NID2: variants seen among roughly 807,000 people sequenced by gnomAD.
NID2 encodes nidogen 2.
NID2 carries 83 observed loss-of-function variants against 145.4 expected under a neutral mutation model. That is an observed-to-expected ratio of 0.57 (90% CI 0.48 to 0.69). NID2 has a LOEUF of 0.69. Ranked by LOEUF, NID2 falls within the 30% of genes least tolerant of loss-of-function variation. The probability of loss-of-function intolerance (pLI) is 0.00; values close to 1 mark genes in which losing one functional copy is unlikely to be tolerated. For synonymous variants in NID2, 739 were observed against 701.3 expected, an observed-to-expected ratio of 1.05 and a Z score of -0.85; for missense variants, 1,807 against 1,765.7, an observed-to-expected ratio of 1.02 and a Z score of -0.42.
At chr14:52,006,982 T>C (rs1890810625) in intron 19 of NID2, 1 of 192,244 alleles carries the variant, frequency 5.2e-6, no homozygotes, top group African/African-American at 2.4e-5. Context: ...AACATCTGGG[T>C]AAATACTTGC....
In NID2 at chr14:52,005,201, A is replaced by C; in HGVS notation, c.*285T>G. On this transcript the variant is annotated 3_prime_UTR_variant, in exon 22 of 22. Coordinates refer to ENST00000216286, the MANE Select transcript of NID2 (RefSeq NM_007361.4). Reference sequence around the variant, plus strand: ...TAGTTGAATGAATTTGATCTTTTAAATATTAATGATAAATGTTTACAAGAA... The same window carrying C: ...TAGTTGAATGAATTTGATCTTTTAACTATTAATGATAAATGTTTACAAGAA... The C allele has an allele frequency of 3.3e-6, 1 of 302,788 alleles. No homozygotes were observed. Among genetic ancestry groups the C allele is most frequent in the Non-Finnish European group, 6.0e-6 (1 of 165,300 alleles). The allele number at this position is 302,788 out of a possible 1,614,324, so 18.8% of individuals were successfully genotyped here.
chr14:52,008,280 A>G, intron 18 of NID2: 1 of 230,886 alleles, frequency 4.3e-6, no homozygotes, highest in South Asian at 8.7e-5. Flanking sequence ...CAAGGAACTG[A>G]TGTCCTTGAG....
intron 14 of NID2, 44 bp downstream of exon 14, chr14:52,019,017 C>A: frequency 6.7e-7 from 1 of 1,490,118 alleles, no homozygotes; most frequent in East Asian, 2.3e-5. Context: ...GATCTACCTA[C>A]CACCAGTGCC....
chr14:52,060,798 C>A (rs1893001391), intron 2 of NID2, among the ~76,000 whole-genome samples: 3 of 152,306 alleles, frequency 2.0e-5, no homozygotes, highest in African/African-American at 7.2e-5. Context: ...TTCATTCATT[C>A]ATCCATTTAT....
chr14:52,014,535 T>C lies in NID2; in HGVS notation c.3251-79A>G, dbSNP rs992377788. The C allele has an allele frequency of 9.3e-6, 13 of 1,390,946 alleles. No homozygotes were observed. The African/African-American group carries it at 1.6e-4, about 17-fold the overall frequency. 86.2% of individuals were successfully genotyped at this position (1,390,946 alleles called of 1,614,324 possible). On this transcript the variant is annotated intron_variant, in intron 15 of 21. Coordinates refer to ENST00000216286, the MANE Select transcript of NID2 (RefSeq NM_007361.4). The stretch of plus-strand genomic sequence containing the variant: ...TGGGAAGAAAAGTTACTTTACCACA[T>C]ACCAGAGCCTCCAAAAATATCAAAA...
At chr14:52,026,040 G>GCTCAGAAAC (rs1227562345) in intron 12 of NID2, among the ~76,000 whole-genome samples, 1 of 152,204 alleles carries the variant, frequency 6.6e-6, no homozygotes, top group Non-Finnish European at 1.5e-5. Context: ...TAAGAATGAG[G>GCTCAGAAAC]CTCAGAAACC....
At chr14:52,057,889 T>C (rs1401594093) in intron 3 of NID2, among the ~76,000 whole-genome samples, 2 of 152,146 alleles carry the variant, frequency 1.3e-5, no homozygotes, top group Admixed American at 6.5e-5. Flanking sequence ...GAAGATTATA[T>C]TGAAGGACAT....
intron 8 of NID2, among the ~76,000 whole-genome samples, chr14:52,040,155 G>T (rs760366122): frequency 6.6e-6 from 1 of 151,940 alleles, no homozygotes; most frequent in Non-Finnish European, 1.5e-5. Flanking sequence ...TGGCCAGGCT[G>T]GTCTTGAACT....
At chr14:52,046,131 G>C (rs1273040291) in intron 5 of NID2, among the ~76,000 whole-genome samples, 4 of 152,026 alleles carry the variant, frequency 2.6e-5, no homozygotes, top group Admixed American at 2.0e-4. Flanking sequence ...AGACCATCCT[G>C]GCTAACACGG....
At chr14:52,028,431 C>A (rs1346964654) in intron 11 of NID2, among the ~76,000 whole-genome samples, 1 of 152,156 alleles carries the variant, frequency 6.6e-6, no homozygotes, top group East Asian at 1.9e-4. Context: ...TGTGCCACCA[C>A]ACCTGGCTAA....
intron 9 of NID2, among the ~76,000 whole-genome samples, chr14:52,032,090 G>A (rs1026843018): frequency 8.5e-5 from 13 of 152,174 alleles, no homozygotes; most frequent in African/African-American, 2.7e-4. Flanking sequence ...CTCTTCCAGT[G>A]CCCTGTCATA....
intron 2 of NID2, among the ~76,000 whole-genome samples, chr14:52,065,838 CA>C (rs1842349665): frequency 7.2e-6 from 1 of 139,332 alleles, no homozygotes; most frequent in Non-Finnish European, 1.5e-5. Flanking sequence ...ATGAACTCAT[CA>C]TTTTTTAAGG....
rs545516556 is a variant in NID2, at chr14:52,005,010, TG to T, written c.*475del. On this transcript the variant is annotated 3_prime_UTR_variant, in exon 22 of 22. Transcript: ENST00000216286. ...CAGAGGTAAAAAATCTTAGAACTTT[TG>T]TTGGGAAACTATAAATAATTGGTCC... 1.3e-3 allele frequency: 199 copies of T among 157,456 alleles called. No individual in the cohort carries two copies. The highest frequency in any genetic ancestry group is 2.2e-3 in the Non-Finnish European group (156 of 71,548). The allele number at this position is 157,456 out of a possible 1,614,324, so 9.8% of individuals were successfully genotyped here.
rs28493789 is a variant in NID2, at chr14:52,053,295, C to T, written c.1429+284G>A. On this transcript the variant is annotated intron_variant, in intron 5 of 21. Coordinates refer to ENST00000216286, the MANE Select transcript of NID2 (RefSeq NM_007361.4). ...TGAAATAGTTCATTACACTTGAGAG[C>T]GTAGCTGGCATAACAAACCCAGTTT... 6.1e-3 allele frequency among the ~76,000 whole-genome samples: 924 copies of T among 152,290 alleles called. 13 individuals are homozygous for T. Among genetic ancestry groups the T allele is most frequent in the African/African-American group, 0.021 (888 of 41,558 alleles).
chr14:52,044,837 C>G (rs886446431), intron 5 of NID2, among the ~76,000 whole-genome samples: 1 of 151,914 alleles, frequency 6.6e-6, no homozygotes, highest in Admixed American at 6.6e-5. Context: ...AGGTTGGTCT[C>G]GGTCTCGAAC....
At position 52,054,277 on chromosome 14, in the gene NID2, C is replaced by G. The variant is rs746257484; in HGVS notation, c.812G>C (p.Gly271Ala). ...GACATTGTCCAACGGGGAAGTGCTG[C>G]CGATATGGAAAGCCCACACTCCAGG... ...GIPGVWAFHI[G>A]STSPLDNVRP... The change falls in exon 4 of 22, where the codon GGC (glycine) becomes GCC (alanine). Residue 271 changes from glycine (G) to alanine (A), a missense_variant. Physicochemically the swap from Gly to Ala is moderately conservative, Grantham distance 60 (BLOSUM62 0). Coordinates refer to ENST00000216286, the MANE Select transcript of NID2 (RefSeq NM_007361.4). 6.2e-7 allele frequency: 1 copy of G among 1,614,096 alleles called. No homozygotes were observed. The highest frequency in any genetic ancestry group is 8.5e-7 in the Non-Finnish European group (1 of 1,179,998).
chr14:52,006,541 T>A lies in NID2; in HGVS notation c.4000A>T (p.Arg1334Trp). ...YADHFYHTDW[R>W]RDGVVSVNKH... ...TCCAGAATTTGTGGGGCTCACCTCCTCCAGTCTGTGTGGTAGAAGTGATCT... is the reference window on the plus strand; with the variant it reads ...TCCAGAATTTGTGGGGCTCACCTCCACCAGTCTGTGTGGTAGAAGTGATCT... Residue 1334 changes from arginine to tryptophan, a missense_variant, in exon 20 of 22, where the codon AGG becomes TGG. Coordinates refer to ENST00000216286, the MANE Select transcript of NID2 (RefSeq NM_007361.4). 6.2e-7 allele frequency: 1 copy of A among 1,613,620 alleles called. No homozygotes were observed. Among genetic ancestry groups the A allele is most frequent in the South Asian group, 1.1e-5 (1 of 91,074 alleles).
intron 17 of NID2, among the ~76,000 whole-genome samples, chr14:52,011,271 C>T (rs908759655): frequency 3.9e-5 from 6 of 152,206 alleles, no homozygotes; most frequent in Admixed American, 2.0e-4. Flanking sequence ...TGACAACCGG[C>T]ATCCACAGTG....
Position 52,015,116 on chromosome 14 carries a change from C to CACCA in NID2, c.3184_3187dup (p.Cys1063LeufsTer73). On this transcript the variant is annotated frameshift_variant, in exon 15 of 22. Coordinates refer to ENST00000216286, the MANE Select transcript of NID2 (RefSeq NM_007361.4). LOFTEE classifies it high-confidence loss of function. ...CACCTCTCTGCCATCTTTGTCCACA[C>CACCA]ACCAGCAGAAGTCGCTCTTTCCGTG... 6.2e-7 allele frequency: 1 copy of CACCA among 1,614,158 alleles called. No individual in the cohort carries two copies. The highest frequency in any genetic ancestry group is 8.5e-7 in the Non-Finnish European group (1 of 1,180,014).
Sources: gnomAD v4.1 joint callset for allele counts (sites outside exome capture counted in the v4.1 genomes callset) on GRCh38, gnomAD v4.1.1 for gene constraint, MANE v1.5 for transcripts, NCBI Gene and HGNC (gene_info 2026-07-23, HGNC 2026-07-21) for gene names.